The following PTK2 variants were observed in gnomAD, a reference collection of about 807,000 sequenced individuals.
PTK2 encodes the protein focal adhesion kinase 1.
PTK2 carries 45 observed loss-of-function variants against 150.1 expected under a neutral mutation model. The observed-to-expected ratio is 0.30, with a 90% CI of 0.24 to 0.38. The LOEUF (loss-of-function observed/expected upper bound fraction) is 0.38, where lower values mean the gene tolerates loss of function less well. Ranked by LOEUF, PTK2 falls within the 10% of genes least tolerant of loss-of-function variation. PTK2 has a pLI of 1.00. For synonymous variants in PTK2, 432 were observed against 449.2 expected, an observed-to-expected ratio of 0.96 and a Z score of 0.48; for missense variants, 919 against 1,307.3, an observed-to-expected ratio of 0.70 and a Z score of 4.58.
At chr8:140,660,457 C>T (rs1367926093) in intron 31 of PTK2, 11 of 375,314 alleles carry the variant, frequency 2.9e-5, no homozygotes, top group Non-Finnish European at 6.0e-5. Flanking sequence ...CGCAGTGGCT[C>T]ACTCCTGTAC....
chr8:140,719,107 C>T (rs1188086957), intron 22 of PTK2, among the ~76,000 whole-genome samples: 1 of 151,964 alleles, frequency 6.6e-6, no homozygotes, highest in Non-Finnish European at 1.5e-5. Flanking sequence ...ACCCAGGAGG[C>T]GGAGGTTGGG....
exon 32 of PTK2, chr8:140,659,150 C>T (rs561242471): frequency 3.5e-4 from 121 of 344,406 alleles, no homozygotes; most frequent in Non-Finnish European, 5.5e-4. Flanking sequence ...CCCTTTAGAA[C>T]GTATCTTAAT....
At chr8:140,872,246 T>C (rs566794020) in intron 4 of PTK2, among the ~76,000 whole-genome samples, 22 of 151,914 alleles carry the variant, frequency 1.4e-4, no homozygotes, top group Admixed American at 9.2e-4. Flanking sequence ...GGTTTCACCA[T>C]GTTGGCCAGG....
chr8:140,976,386 G>A (rs955649321), intron 1 of PTK2, among the ~76,000 whole-genome samples: 1 of 152,084 alleles, frequency 6.6e-6, no homozygotes. Context: ...TTTCTGGGGA[G>A]AAAAAAATGA....
intron 8 of PTK2, among the ~76,000 whole-genome samples, chr8:140,826,862 G>A (rs188487528): frequency 6.6e-6 from 1 of 152,108 alleles, no homozygotes; most frequent in South Asian, 2.1e-4. Context: ...AGGCTGCAGT[G>A]AGCCAAGATC....
intron 7 of PTK2, among the ~76,000 whole-genome samples, chr8:140,845,379 G>A (rs903853495): frequency 3.3e-5 from 5 of 151,882 alleles, no homozygotes; most frequent in African/African-American, 1.2e-4. Context: ...TTTGCCTGAT[G>A]GTCCATGTTT....
intron 16 of PTK2, among the ~76,000 whole-genome samples, chr8:140,753,864 T>C (rs995397779): frequency 6.6e-6 from 1 of 152,192 alleles, no homozygotes; most frequent in Admixed American, 6.5e-5. Context: ...TACTATATGC[T>C]CAGTAAAGAT....
intron 22 of PTK2, among the ~76,000 whole-genome samples, chr8:140,724,233 C>T (rs1479673033): frequency 1.3e-5 from 2 of 152,152 alleles, no homozygotes; most frequent in Non-Finnish European, 2.9e-5. Context: ...ACAGTCTACC[C>T]TAACTATTGT....
chr8:140,708,657 C>A (rs1283509465), intron 23 of PTK2, among the ~76,000 whole-genome samples: 2 of 151,988 alleles, frequency 1.3e-5, no homozygotes, highest in East Asian at 3.9e-4. Flanking sequence ...AAAAACACCC[C>A]AAACAGGAAA....
At chr8:140,981,827 A>G (rs2100191539) in intron 1 of PTK2, among the ~76,000 whole-genome samples, 3 of 152,144 alleles carry the variant, frequency 2.0e-5, no homozygotes, top group Admixed American at 6.5e-5. Flanking sequence ...CTTCACGAAG[A>G]AAGTCTGCTA....
chr8:140,890,265 G>GT (rs2100153784), intron 3 of PTK2: 2 of 342,196 alleles, frequency 5.8e-6, no homozygotes, highest in Non-Finnish European at 1.0e-5. Flanking sequence ...TCATCCAAGA[G>GT]TTAAAAAAAA....
At position 140,897,716 on chromosome 8, in the gene PTK2, A is replaced by G. The variant is rs145907599; in HGVS notation, c.-32-6947T>C. 2.1e-3 allele frequency among the ~76,000 whole-genome samples: 313 copies of G among 152,300 alleles called. 2 individuals are homozygous for G. Among genetic ancestry groups the G allele is most frequent in the African/African-American group, 7.3e-3 (302 of 41,566 alleles). On this transcript the variant is annotated intron_variant, in intron 2 of 31. Transcript: ENST00000522684. ...CTACAATGACTATTCTGTTTCTACC[A>G]ATTAACAGACTTCCCTGTGTTGTTT... is the stretch of plus-strand genomic sequence containing the variant.
intron 7 of PTK2, among the ~76,000 whole-genome samples, chr8:140,837,661 G>A (rs934580254): frequency 3.9e-5 from 6 of 152,120 alleles, no homozygotes; most frequent in African/African-American, 1.2e-4. Flanking sequence ...CCTGGGAGGT[G>A]GAGGTTACAC....
intron 3 of PTK2, among the ~76,000 whole-genome samples, chr8:140,889,107 T>TAA (rs201897105): frequency 1.3e-5 from 2 of 151,338 alleles, no homozygotes; most frequent in African/African-American, 4.9e-5. Context: ...AAAGAGTTTG[T>TAA]AAAAAAAAAG....
chr8:140,717,521 T>G (rs1276602861), intron 23 of PTK2, 77 bp downstream of exon 26: 2 of 1,139,286 alleles, frequency 1.8e-6, no homozygotes, highest in Non-Finnish European at 2.7e-6. Flanking sequence ...TTTCTCCTCA[T>G]AGAAAACAGC....
chr8:140,893,294 GAA>G (rs1258163017), intron 2 of PTK2, among the ~76,000 whole-genome samples: 2 of 152,156 alleles, frequency 1.3e-5, no homozygotes, highest in African/African-American at 2.4e-5. Context: ...TTGGGCGACA[GAA>G]AGAGACCCTG....
In PTK2 at chr8:140,879,458, G is replaced by T. The variant is rs765393197; in HGVS notation, c.362+13C>A. The T allele has an allele frequency of 1.9e-6, 3 of 1,592,966 alleles. No homozygotes were observed. The South Asian group carries it at 3.4e-5, about 18-fold the overall frequency. On this transcript the variant is annotated intron_variant, in intron 4 of 31. Transcript: ENST00000522684. ...TCAAGTGTGCATCACACCAAAGCAG[G>T]TTTGTATCTTACTTCCACTCCTCTG... is the stretch of plus-strand genomic sequence containing the variant.
chr8:140,996,114 C>A (rs1451111586), intron 1 of PTK2, among the ~76,000 whole-genome samples: 2 of 152,098 alleles, frequency 1.3e-5, no homozygotes, highest in Non-Finnish European at 2.9e-5. Flanking sequence ...GAAAAGAAAA[C>A]AGCCTTATTG....
At chr8:140,697,413 GGTTT>G (rs1353780982) in intron 26 of PTK2, among the ~76,000 whole-genome samples, 2 of 128,444 alleles carry the variant, frequency 1.6e-5, no homozygotes, top group Admixed American at 7.5e-5. Context: ...CTTAGAATAC[GGTTT>G]GTGTGTGTGT....
Sources: allele counts gnomAD v4.1 joint callset (sites outside exome capture counted in the v4.1 genomes callset), GRCh38; gene constraint gnomAD v4.1.1; transcripts MANE v1.5; gene names NCBI Gene and HGNC (gene_info 2026-07-23, HGNC 2026-07-21).